PLXDC2: variants seen among roughly 807,000 people sequenced by gnomAD.
PLXDC2 encodes plexin domain-containing protein 2.
PLXDC2 carries 40 observed loss-of-function variants against 68.9 expected under a neutral mutation model. That is an observed-to-expected ratio of 0.58 (90% CI 0.45 to 0.76). PLXDC2 has a LOEUF of 0.76. Ranked by LOEUF, PLXDC2 falls within the 30% of genes least tolerant of loss-of-function variation. PLXDC2 has a pLI of 0.00. For synonymous variants in PLXDC2, 243 were observed against 234.2 expected, an observed-to-expected ratio of 1.04 and a Z score of -0.34; for missense variants, 644 against 661.9, an observed-to-expected ratio of 0.97 and a Z score of 0.30.
intron 7 of PLXDC2, 102 bp from the exon 8 acceptor site, chr10:20,176,897 A>T: frequency 1.3e-6 from 1 of 773,528 alleles, no homozygotes; most frequent in East Asian, 2.7e-5. Context: ...TTTTAAAACC[A>T]CATTGGGCTA....
chr10:20,057,152 C>T (rs866405217), intron 3 of PLXDC2, among the ~76,000 whole-genome samples: 4 of 152,132 alleles, frequency 2.6e-5, no homozygotes, highest in Admixed American at 2.0e-4. Flanking sequence ...AACATATTCT[C>T]ATCCTAAAGT....
At chr10:20,091,233 C>G (rs1200213342) in intron 4 of PLXDC2, among the ~76,000 whole-genome samples, 1 of 152,168 alleles carries the variant, frequency 6.6e-6, no homozygotes, top group Non-Finnish European at 1.5e-5. Flanking sequence ...ACACTCCCCA[C>G]TTCTCACCAC....
intron 1 of PLXDC2, among the ~76,000 whole-genome samples, chr10:19,968,458 G>A (rs1191783306): frequency 2.0e-5 from 3 of 152,168 alleles, no homozygotes; most frequent in South Asian, 2.1e-4. Flanking sequence ...GACTACAGGC[G>A]CACACCACTA....
intron 4 of PLXDC2, among the ~76,000 whole-genome samples, chr10:20,097,810 T>C (rs1447395021): frequency 6.6e-6 from 1 of 151,704 alleles, no homozygotes; most frequent in African/African-American, 2.4e-5. Context: ...ATAGGAAGAG[T>C]TATTGCTTTG....
Position 19,816,862 on chromosome 10 carries a change from A to G in PLXDC2, c.-218A>G, listed in dbSNP as rs759932299. ...GGGCTGCGAGTGTGGCAAGTTGCAAAGAGAGCCTCAGAGGTCCGAAGAGCG... is the reference window on the plus strand; with the variant it reads ...GGGCTGCGAGTGTGGCAAGTTGCAAGGAGAGCCTCAGAGGTCCGAAGAGCG... On this transcript the variant is annotated 5_prime_UTR_variant, in exon 1 of 14. Coordinates refer to ENST00000377252, the MANE Select transcript of PLXDC2 (RefSeq NM_032812.9). 20 of 578,868 alleles carry G rather than the reference A, an allele frequency of 3.5e-5. No homozygotes were observed. Among genetic ancestry groups the G allele is most frequent in the Non-Finnish European group, 5.5e-5 (18 of 325,982 alleles). The allele number at this position is 578,868 out of a possible 1,614,324, so 35.9% of individuals were successfully genotyped here. A position where few individuals can be genotyped will look rare whatever the true frequency, so the allele number is the denominator to read the frequency against.
At chr10:19,822,192 TA>T (rs1836481267) in intron 1 of PLXDC2, among the ~76,000 whole-genome samples, 2 of 149,342 alleles carry the variant, frequency 1.3e-5, no homozygotes, top group South Asian at 4.2e-4. Flanking sequence ...CACTATATAG[TA>T]TATATGCACT....
At position 20,285,613 on chromosome 10, in the gene PLXDC2, C is replaced by T. The variant is rs1161617676; in HGVS notation, c.*5794C>T. 1 of 152,160 alleles carries T rather than the reference C, an allele frequency of 6.6e-6. No homozygotes were observed. Among genetic ancestry groups the T allele is most frequent in the Non-Finnish European group, 1.5e-5 (1 of 68,034 alleles). The allele number at this position is 152,160 out of a possible 1,614,324, so 9.4% of individuals were successfully genotyped here. A position where few individuals can be genotyped will look rare whatever the true frequency, so the allele number is the denominator to read the frequency against. ...AGAAAAAAAGTTACTCAAAATTCTC[C>T]CTGACCTAAGAATACTTTCTAGTTC... On this transcript the variant is annotated 3_prime_UTR_variant, in exon 14 of 14. Coordinates refer to ENST00000377252, the MANE Select transcript of PLXDC2 (RefSeq NM_032812.9).
At chr10:20,023,452 T>C (rs1215376667) in intron 2 of PLXDC2, among the ~76,000 whole-genome samples, 1 of 152,104 alleles carries the variant, frequency 6.6e-6, no homozygotes, top group East Asian at 1.9e-4. Context: ...TAATAAGAGG[T>C]AATTAGGCCA....
intron 1 of PLXDC2, among the ~76,000 whole-genome samples, chr10:19,940,300 T>C (rs1215427604): frequency 3.3e-5 from 5 of 152,118 alleles, no homozygotes; most frequent in Non-Finnish European, 7.4e-5. Flanking sequence ...AAAAAAAATT[T>C]TTTAAATCTG....
chr10:20,044,216 T>TCTTTCTTTCTTTCTTTC (rs1389395334), intron 2 of PLXDC2, among the ~76,000 whole-genome samples: 13 of 6,640 alleles, frequency 2.0e-3, no homozygotes, highest in African/African-American at 0.01. Flanking sequence ...TCTCTGTCTT[T>TCTTTCTTTCTTTCTTTC]CTTTCTTTCT....
At chr10:19,946,967 G>A (rs1049859019) in intron 1 of PLXDC2, among the ~76,000 whole-genome samples, 3 of 152,078 alleles carry the variant, frequency 2.0e-5, no homozygotes, top group Non-Finnish European at 4.4e-5. Flanking sequence ...AACAAACCAC[G>A]GACCTATACT....
intron 3 of PLXDC2, among the ~76,000 whole-genome samples, chr10:20,049,967 A>G (rs1835863573): frequency 6.6e-6 from 1 of 152,222 alleles, no homozygotes; most frequent in Non-Finnish European, 1.5e-5. Context: ...ATTATACTGC[A>G]GGGCTGAAGT....
chr10:20,114,874 G>A (rs1833602312), intron 4 of PLXDC2, among the ~76,000 whole-genome samples: 1 of 152,140 alleles, frequency 6.6e-6, no homozygotes, highest in Non-Finnish European at 1.5e-5. Flanking sequence ...TGCTGTGTTT[G>A]AAAATTCAGC....
At chr10:19,871,842 C>G (rs10082539) in intron 1 of PLXDC2, among the ~76,000 whole-genome samples, 1 of 148,690 alleles carries the variant, frequency 6.7e-6, no homozygotes, top group African/African-American at 2.5e-5. Flanking sequence ...GCCAAGATCA[C>G]GCCACCGCAC....
chr10:19,843,749 A>AC (rs1189966099), intron 1 of PLXDC2, among the ~76,000 whole-genome samples: 1 of 152,172 alleles, frequency 6.6e-6, no homozygotes, highest in Non-Finnish European at 1.5e-5. Flanking sequence ...GAATAGAATG[A>AC]CTGATATCAG....
At chr10:20,212,800 T>C (rs983583597) in intron 10 of PLXDC2, among the ~76,000 whole-genome samples, 8 of 152,156 alleles carry the variant, frequency 5.3e-5, no homozygotes, top group African/African-American at 1.9e-4. Flanking sequence ...CAGCAGTGTG[T>C]GCTCATCCGT....
chr10:20,225,093 A>G (rs1835268558), intron 12 of PLXDC2, among the ~76,000 whole-genome samples: 1 of 152,228 alleles, frequency 6.6e-6, no homozygotes, highest in African/African-American at 2.4e-5. Flanking sequence ...AAACAGATAT[A>G]CTTTGAATGA....
chr10:20,052,447 A>C (rs1338945503), intron 3 of PLXDC2, among the ~76,000 whole-genome samples: 1 of 152,088 alleles, frequency 6.6e-6, no homozygotes. Context: ...GGGCTGAGTA[A>C]TGTCCACATA....
In PLXDC2 at chr10:19,888,836, C is replaced by A. The variant is rs538421347; in HGVS notation, c.112+71645C>A. On this transcript the variant is annotated intron_variant, in intron 1 of 13. Transcript: ENST00000377252. Reference sequence around the variant, plus strand: ...AAATGTCATTAAAAAGGGAGATGAGCTGGAAATCAGGCAAGATGTATTATC... The same window carrying A: ...AAATGTCATTAAAAAGGGAGATGAGATGGAAATCAGGCAAGATGTATTATC... 3.3e-5 allele frequency among the ~76,000 whole-genome samples: 5 copies of A among 152,112 alleles called. No homozygotes were observed. In the East Asian group the frequency reaches 9.7e-4, roughly 29 times the overall value.
Sources: allele counts gnomAD v4.1 joint callset (sites outside exome capture counted in the v4.1 genomes callset), GRCh38; gene constraint gnomAD v4.1.1; transcripts MANE v1.5; gene names NCBI Gene and HGNC (gene_info 2026-07-23, HGNC 2026-07-21).